The following KLHL1 variants were observed in gnomAD, a reference collection of about 807,000 sequenced individuals.
The protein encoded by KLHL1 is kelch-like protein 1.
KLHL1 carries 47 observed loss-of-function variants against 77.7 expected under a neutral mutation model. That is an observed-to-expected ratio of 0.60 (90% CI 0.48 to 0.77). The LOEUF is 0.77. Among genes scored for constraint, KLHL1 ranks in the 30% least tolerant of loss-of-function variants. The probability of loss-of-function intolerance (pLI) is 0.00; values close to 1 mark genes in which losing one functional copy is unlikely to be tolerated. For synonymous variants in KLHL1, 360 were observed against 325.2 expected (o/e 1.11, Z -1.15); for missense variants, 925 against 910.8 (o/e 1.02, Z -0.20).
intron 5 of KLHL1, among the ~76,000 whole-genome samples, chr13:69,851,212 T>C (rs920792889): frequency 1.8e-3 from 2 of 1,122 alleles, no homozygotes; most frequent in African/African-American, 2.1e-3. Context: ...AAAATTCTGT[T>C]ATTTATAATT....
intron 2 of KLHL1, among the ~76,000 whole-genome samples, chr13:69,962,260 G>T (rs1884089638): frequency 6.6e-6 from 1 of 151,702 alleles, no homozygotes; most frequent in Admixed American, 6.6e-5. Context: ...ATTTTTGTTG[G>T]TTTGTTTTTC....
chr13:70,102,747 T>C (rs929835361), intron 1 of KLHL1, among the ~76,000 whole-genome samples: 13 of 152,204 alleles, frequency 8.5e-5, no homozygotes, highest in Non-Finnish European at 1.8e-4. Context: ...GAGGGATACA[T>C]AAATGTAGCA....
intron 1 of KLHL1, among the ~76,000 whole-genome samples, chr13:70,077,362 AG>A (rs1392911961): frequency 1.3e-5 from 2 of 151,882 alleles, no homozygotes; most frequent in African/African-American, 4.8e-5. Flanking sequence ...TGGTCCACAA[AG>A]GCTACATATT....
intron 4 of KLHL1, among the ~76,000 whole-genome samples, chr13:69,920,609 G>A (rs1882600678): frequency 6.6e-6 from 1 of 151,980 alleles, no homozygotes. Flanking sequence ...GTTTTCACAT[G>A]TCCTTAGAAA....
At chr13:69,987,448 A>C (rs2137307960) in intron 1 of KLHL1, among the ~76,000 whole-genome samples, 1 of 152,214 alleles carries the variant, frequency 6.6e-6, no homozygotes, top group South Asian at 2.1e-4. Context: ...CTATTCAATA[A>C]AAATCAGCTT....
intron 1 of KLHL1, among the ~76,000 whole-genome samples, chr13:70,089,572 A>T (rs893774209): frequency 6.6e-6 from 1 of 151,942 alleles, no homozygotes; most frequent in African/African-American, 2.4e-5. Context: ...TTTATTCTTT[A>T]CACAATTATA....
At chr13:70,106,172 A>C (rs1888051858) in intron 1 of KLHL1, among the ~76,000 whole-genome samples, 1 of 151,804 alleles carries the variant, frequency 6.6e-6, no homozygotes, top group Non-Finnish European at 1.5e-5. Context: ...GATTCAATCA[A>C]CCAAAAGACT....
intron 4 of KLHL1, among the ~76,000 whole-genome samples, chr13:69,890,295 G>A (rs1881379013): frequency 6.6e-6 from 1 of 151,864 alleles, no homozygotes; most frequent in African/African-American, 2.4e-5. Context: ...AGAAAATATT[G>A]GTGTCATCTG....
At chr13:69,869,048 C>T (rs975571802) in intron 5 of KLHL1, among the ~76,000 whole-genome samples, 31 of 151,848 alleles carry the variant, frequency 2.0e-4, no homozygotes, top group African/African-American at 7.3e-4. Context: ...AAGCTAACGG[C>T]AGCTAGAAAA....
chr13:69,740,115 A>G (rs866082906), intron 8 of KLHL1, among the ~76,000 whole-genome samples: 1 of 152,334 alleles, frequency 6.6e-6, no homozygotes. Context: ...CCAAACTTTT[A>G]GTAGTTTTTT....
At chr13:69,748,703 T>C (rs764258528) in intron 7 of KLHL1, among the ~76,000 whole-genome samples, 1 of 151,990 alleles carries the variant, frequency 6.6e-6, no homozygotes, top group Non-Finnish European at 1.5e-5. Flanking sequence ...GAAGATTAAA[T>C]AGAAAATGCA....
intron 8 of KLHL1, among the ~76,000 whole-genome samples, chr13:69,729,544 A>G (rs1455722509): frequency 6.6e-6 from 1 of 152,128 alleles, no homozygotes; most frequent in Non-Finnish European, 1.5e-5. Context: ...AGAGGTGAGG[A>G]AAAAAACAAA....
intron 7 of KLHL1, among the ~76,000 whole-genome samples, chr13:69,751,664 G>A (rs1566212436): frequency 6.6e-6 from 1 of 152,120 alleles, no homozygotes; most frequent in Admixed American, 6.6e-5. Context: ...ACAGTGTGGG[G>A]CCTTGTATGC....
At chr13:69,773,892 AAAACG>A (rs1322920822) in intron 7 of KLHL1, among the ~76,000 whole-genome samples, 10 of 148,334 alleles carry the variant, frequency 6.7e-5, no homozygotes, top group African/African-American at 2.6e-4. Flanking sequence ...TACATAGAAT[AAAACG>A]TATTGTGGGA....
At chr13:70,043,247 A>T (rs1448044527) in intron 1 of KLHL1, among the ~76,000 whole-genome samples, 1 of 152,136 alleles carries the variant, frequency 6.6e-6, no homozygotes, top group African/African-American at 2.4e-5. Context: ...ACTAAAAAAA[A>T]ATAAAAATAA....
At chr13:69,846,151 T>A (rs1436589343) in intron 5 of KLHL1, among the ~76,000 whole-genome samples, 1 of 151,516 alleles carries the variant, frequency 6.6e-6, no homozygotes, top group East Asian at 1.9e-4. Flanking sequence ...TTTCCAGTGT[T>A]CTGGTTTATG....
At chr13:69,897,639 GA>G in intron 4 of KLHL1, among the ~76,000 whole-genome samples, 1 of 152,236 alleles carries the variant, frequency 6.6e-6, no homozygotes, top group East Asian at 1.9e-4. Context: ...ACCTAAAGAG[GA>G]GGGGAAAGGC....
chr13:69,721,164 A>G (rs1218626036), intron 8 of KLHL1, among the ~76,000 whole-genome samples: 2 of 130,678 alleles, frequency 1.5e-5, no homozygotes, highest in Non-Finnish European at 3.3e-5. Flanking sequence ...GCTCACGGAG[A>G]TAAGTGAATA....
chr13:70,072,453 T>G (rs191501293), intron 1 of KLHL1, among the ~76,000 whole-genome samples: 89 of 152,122 alleles, frequency 5.9e-4, no homozygotes, highest in Non-Finnish European at 7.6e-4. Flanking sequence ...GAGGTCAGTA[T>G]CCCAGTAAAA....
Sources: allele counts gnomAD v4.1 joint callset (sites outside exome capture counted in the v4.1 genomes callset), GRCh38; gene constraint gnomAD v4.1.1; transcripts MANE v1.5; gene names NCBI Gene and HGNC (gene_info 2026-07-23, HGNC 2026-07-21).